EMB: variants seen among roughly 807,000 people sequenced by gnomAD.
EMB encodes the protein embigin.
Under a neutral mutation model 41.4 loss-of-function variants are expected in EMB, and 31 were observed. That is an observed-to-expected ratio of 0.75 (90% CI 0.56 to 1.01). EMB has a LOEUF of 1.01. Ranked by LOEUF, EMB falls within the 50% of genes least tolerant of loss-of-function variation. EMB has a pLI of 0.00. For synonymous variants in EMB, 137 were observed against 140.4 expected (o/e 0.98, Z 0.17); for missense variants, 379 against 388.3 (o/e 0.98, Z 0.20).
Position 50,428,223 on chromosome 5 carries a change from C to A in EMB, c.117G>T (p.Ser39=), listed in dbSNP as rs112602380. The A allele has an allele frequency of 1.9e-6, 3 of 1,607,230 alleles. No individual in the cohort carries two copies. The highest frequency in any genetic ancestry group is 2.2e-5 in the South Asian group (2 of 90,836). Residue 39 remains serine, a synonymous_variant, in exon 2 of 9, where the codon TCG becomes TCT. Coordinates refer to ENST00000303221, the MANE Select transcript of EMB (RefSeq NM_198449.3). ...CTCTGAGAGGTGGACTTGTAAAAGGCGAATCTATAAGAGAAAGAACACATG... is the reference window on the plus strand; with the variant it reads ...CTCTGAGAGGTGGACTTGTAAAAGGAGAATCTATAAGAGAAAGAACACATG... ...PSSADGSAPD[S]PFTSPPLREE... is the part of the protein sequence containing the mutation.
intron 2 of EMB, among the ~76,000 whole-genome samples, chr5:50,415,819 T>A (rs1270236690): frequency 1.3e-5 from 2 of 152,196 alleles, no homozygotes; most frequent in Admixed American, 1.3e-4. Context: ...TGAAACAAGA[T>A]TTTAAATAAA....
At position 50,405,756 on chromosome 5, in the gene EMB, C is replaced by G. The variant is rs1745237921; in HGVS notation, c.569G>C (p.Trp190Ser). 6.2e-7 allele frequency: 1 copy of G among 1,605,572 alleles called. No homozygotes were observed. The highest frequency in any genetic ancestry group is 8.5e-7 in the Non-Finnish European group (1 of 1,176,042). The change falls in exon 5 of 9, where the codon TGG becomes TCG. Residue 190 changes from tryptophan (W) to serine (S), a missense_variant. By Grantham distance (177) the Trp-to-Ser change is radical. Transcript: ENST00000303221. ...ACTCCCATTACTACTGTACCAGGTC[C>G]AATTTAAAGGAAAACAATTTTGACA... ...CKCQNCFPLN[W>S]TWYSSNGSVK...
chr5:50,439,487 ATTTTTT>A (rs35139912), intron 1 of EMB, among the ~76,000 whole-genome samples: 1 of 137,538 alleles, frequency 7.3e-6, no homozygotes, highest in African/African-American at 2.7e-5. Flanking sequence ...CGCACTTTTA[ATTTTTT>A]TTTTTTTTTT....
intron 4 of EMB, among the ~76,000 whole-genome samples, chr5:50,406,643 T>C (rs1745253878): frequency 6.6e-6 from 1 of 151,960 alleles, no homozygotes; most frequent in South Asian, 2.1e-4. Flanking sequence ...AAAGATGTAT[T>C]ATAGAAGGTA....
chr5:50,422,827 C>G (rs1745546097), intron 2 of EMB, among the ~76,000 whole-genome samples: 2 of 151,982 alleles, frequency 1.3e-5, no homozygotes, highest in Admixed American at 1.3e-4. Flanking sequence ...AAATATAAGC[C>G]TAGTACGTGG....
At chr5:50,422,946 T>C (rs555614583) in intron 2 of EMB, among the ~76,000 whole-genome samples, 1 of 152,286 alleles carries the variant, frequency 6.6e-6, no homozygotes, top group Admixed American at 6.5e-5. Context: ...TTTGTGGTAT[T>C]TATCCTAGAG....
chr5:50,414,004 T>C (rs377525458), intron 2 of EMB, among the ~76,000 whole-genome samples: 1 of 152,140 alleles, frequency 6.6e-6, no homozygotes, highest in Non-Finnish European at 1.5e-5. Flanking sequence ...CTGTAATATT[T>C]AGGGATGCAT....
chr5:50,409,170 G>C (rs2111788508), intron 4 of EMB, among the ~76,000 whole-genome samples: 1 of 152,278 alleles, frequency 6.6e-6, no homozygotes, highest in African/African-American at 2.4e-5. Flanking sequence ...TCTCAAAACA[G>C]TTGGAGAATC....
chr5:50,425,131 C>A (rs1260851331), intron 2 of EMB, among the ~76,000 whole-genome samples: 1 of 152,176 alleles, frequency 6.6e-6, no homozygotes, highest in Non-Finnish European at 1.5e-5. Context: ...TCTTCTCAAT[C>A]TTCTCAATCA....
Position 50,397,936 on chromosome 5 carries a change from C to A in EMB, c.*1337G>T, listed in dbSNP as rs4095443. The A allele has an allele frequency of 6.6e-6, 1 of 151,948 alleles. No homozygotes were observed. The highest frequency in any genetic ancestry group is 1.5e-5 in the Non-Finnish European group (1 of 67,972). The allele number at this position is 151,948 out of a possible 1,614,324, so 9.4% of individuals were successfully genotyped here. On this transcript the variant is annotated 3_prime_UTR_variant, in exon 9 of 9. Coordinates refer to ENST00000303221, the MANE Select transcript of EMB (RefSeq NM_198449.3). ...GTAATATTGGTAAACATTAGTGATACAATTTTCACTACCAAAATTTTATTA... is the reference window on the plus strand; with the variant it reads ...GTAATATTGGTAAACATTAGTGATAAAATTTTCACTACCAAAATTTTATTA...
chr5:50,428,060 A>C (rs1038885354), intron 2 of EMB, 84 bp downstream of exon 2: 1 of 939,678 alleles, frequency 1.1e-6, no homozygotes, highest in African/African-American at 1.6e-5. Flanking sequence ...CCACTTCGCA[A>C]AGCAAAAAGC....
Position 50,441,053 on chromosome 5 carries a change from G to A in EMB, c.99C>T (p.Asp33=), listed in dbSNP as rs75391720. 6.3e-3 allele frequency: 9,508 copies of A among 1,508,204 alleles called. 311 individuals carry two copies. The African/African-American group carries it at 0.072, about 11-fold the overall frequency. 93.4% of individuals were successfully genotyped at this position (1,508,204 alleles called of 1,614,324 possible). A position where few individuals can be genotyped will look rare whatever the true frequency, so the allele number is the denominator to read the frequency against. The change falls in exon 1 of 9, where the codon GAC becomes GAT. Residue 33 remains aspartate, a synonymous_variant. Coordinates refer to ENST00000303221, the MANE Select transcript of EMB (RefSeq NM_198449.3). The part of the protein sequence containing the change: ...LLAAARPSSA[D]GSAPDSPFTS... ...TACCCATCACACCTGGGGCACTGCC[G>A]TCCGCCGAGCTTGGGCGCGCGGCAG...
In EMB at chr5:50,431,397, T is replaced by G. The variant is rs190668827; in HGVS notation, c.113-3170A>C. 2.1e-3 allele frequency among the ~76,000 whole-genome samples: 314 copies of G among 152,168 alleles called. 3 individuals are homozygous for G. Among genetic ancestry groups the G allele is most frequent in the African/African-American group, 7.2e-3 (301 of 41,524 alleles). ...TGGCAGGAGGCTGATTCAGCTAACA[T>G]TGGGGTTTAAAGGAAATTGGCAGGA... On this transcript the variant is annotated intron_variant, in intron 1 of 8. Coordinates refer to ENST00000303221, the MANE Select transcript of EMB (RefSeq NM_198449.3).
At chr5:50,417,460 G>T (rs1367468549) in intron 2 of EMB, among the ~76,000 whole-genome samples, 1 of 152,082 alleles carries the variant, frequency 6.6e-6, no homozygotes, top group Non-Finnish European at 1.5e-5. Flanking sequence ...AATCATGATG[G>T]TTTATTAAGT....
chr5:50,400,977 C>T (rs2111763458), intron 7 of EMB, among the ~76,000 whole-genome samples: 1 of 152,006 alleles, frequency 6.6e-6, no homozygotes, highest in African/African-American at 2.4e-5. Context: ...GGAATCCGAG[C>T]AAGGTTCTGT....
At chr5:50,430,195 C>A (rs938658037) in intron 1 of EMB, among the ~76,000 whole-genome samples, 2 of 152,084 alleles carry the variant, frequency 1.3e-5, no homozygotes, top group African/African-American at 4.8e-5. Context: ...GGAAGCCAGG[C>A]GGGGGTGGAT....
intron 2 of EMB, 27 bp downstream of exon 2, chr5:50,428,117 G>A: frequency 1.3e-6 from 2 of 1,506,396 alleles, no homozygotes; most frequent in Non-Finnish European, 1.8e-6. Flanking sequence ...TTTTCGAATT[G>A]CATTATTTGA....
intron 1 of EMB, among the ~76,000 whole-genome samples, chr5:50,430,114 C>T (rs1745692712): frequency 6.6e-6 from 1 of 152,042 alleles, no homozygotes; most frequent in Non-Finnish European, 1.5e-5. Flanking sequence ...TTGGGGCTAG[C>T]ATACTTAGAG....
intron 1 of EMB, among the ~76,000 whole-genome samples, chr5:50,438,449 G>A (rs1346714214): frequency 1.3e-5 from 2 of 152,112 alleles, no homozygotes; most frequent in African/African-American, 2.4e-5. Context: ...TACCCAGAAA[G>A]GAGAAAAATG....
Sources: gnomAD v4.1 joint callset for allele counts (sites outside exome capture counted in the v4.1 genomes callset) on GRCh38, gnomAD v4.1.1 for gene constraint, MANE v1.5 for transcripts, NCBI Gene and HGNC (gene_info 2026-07-23, HGNC 2026-07-21) for gene names.